KIAA1549L: variants seen among roughly 807,000 people sequenced by gnomAD.
KIAA1549L encodes the protein KIAA1549 like, also known as UPF0606 protein KIAA1549L.
A neutral mutation model predicts 160.7 loss-of-function variants in KIAA1549L; 88 were observed. The observed-to-expected ratio is 0.55, with a 90% CI of 0.46 to 0.65. The LOEUF (loss-of-function observed/expected upper bound fraction) is 0.65, where lower values mean the gene tolerates loss of function less well. Among genes scored for constraint, KIAA1549L ranks in the 30% least tolerant of loss-of-function variants. The probability of loss-of-function intolerance (pLI) is 0.00; values close to 1 mark genes in which losing one functional copy is unlikely to be tolerated. For synonymous variants in KIAA1549L, 950 were observed against 976.7 expected (o/e 0.97, Z 0.51); for missense variants, 2,258 against 2,437.5 (o/e 0.93, Z 1.55).
chr11:33,442,990 T>A (rs560935011), intron 1 of KIAA1549L, among the ~76,000 whole-genome samples: 1 of 152,244 alleles, frequency 6.6e-6, no homozygotes, highest in South Asian at 2.1e-4. Context: ...ATATTTTATA[T>A]TTCAGAAATT....
intron 1 of KIAA1549L, among the ~76,000 whole-genome samples, chr11:33,463,018 C>T (rs371367574): frequency 6.6e-5 from 10 of 152,104 alleles, no homozygotes; most frequent in Non-Finnish European, 1.2e-4. Context: ...TTTGTAGAGA[C>T]GGGGTTCACC....
intron 1 of KIAA1549L, among the ~76,000 whole-genome samples, chr11:33,529,403 T>G (rs899099492): frequency 6.6e-6 from 1 of 152,232 alleles, no homozygotes; most frequent in Non-Finnish European, 1.5e-5. Flanking sequence ...AATTAGATTT[T>G]GCTCTTCTGG....
At chr11:33,464,088 C>A (rs1018700028) in intron 1 of KIAA1549L, among the ~76,000 whole-genome samples, 1 of 152,214 alleles carries the variant, frequency 6.6e-6, no homozygotes, top group Non-Finnish European at 1.5e-5. Context: ...ATTATTATCT[C>A]CTTTTCACAA....
rs1382566664 is a variant in KIAA1549L at position 33,673,772 on chromosome 11, G to T, written c.*5618G>T. 1 of 152,146 alleles carries T rather than the reference G, an allele frequency of 6.6e-6. No individual in the cohort carries two copies. Among genetic ancestry groups the T allele is most frequent in the Non-Finnish European group, 1.5e-5 (1 of 68,018 alleles). 9.4% of individuals were successfully genotyped at this position (152,146 alleles called of 1,614,324 possible). On this transcript the variant is annotated 3_prime_UTR_variant, in exon 21 of 21. Coordinates refer to ENST00000658780, the MANE Select transcript of KIAA1549L (RefSeq NM_012194.3). ...CCATGTTTTGCCAAGGAAAAATAAA[G>T]AAATTCCTAAATTTGAAATTGCCCA...
rs1234051304 is a variant in KIAA1549L at position 33,591,287 on chromosome 11, A to G, written c.4617A>G (p.Ala1539=). ...YAKQHLGQQG[A]DEEVIPVTQE... Reference sequence around the variant, plus strand: ...AGCAACACCTGGGCCAGCAAGGGGCAGATGAGGAGGTCATCCCTGTGACTC... The same window carrying G: ...AGCAACACCTGGGCCAGCAAGGGGCGGATGAGGAGGTCATCCCTGTGACTC... Residue 1539 remains alanine, a synonymous_variant, in exon 12 of 21, where the codon GCA becomes GCG. Transcript: ENST00000658780. The G allele has an allele frequency of 1.9e-6, 3 of 1,613,582 alleles. No homozygotes were observed. Among genetic ancestry groups the G allele is most frequent in the African/African-American group, 1.3e-5 (1 of 74,940 alleles).
intron 1 of KIAA1549L, among the ~76,000 whole-genome samples, chr11:33,395,460 A>T (rs1850355016): frequency 6.6e-6 from 1 of 152,120 alleles, no homozygotes; most frequent in African/African-American, 2.4e-5. Context: ...ACTCTCTTTC[A>T]TCTATATATC....
At chr11:33,598,762 A>T in intron 12 of KIAA1549L, 58 bp from the exon 13 acceptor site, 6 of 1,600,054 alleles carry the variant, frequency 3.7e-6, no homozygotes, top group Non-Finnish European at 4.3e-6. Flanking sequence ...AATAACCTTG[A>T]GAGGCGGCTG....
intron 7 of KIAA1549L, 116 bp from the exon 8 acceptor site, chr11:33,561,560 A>G: frequency 1.3e-6 from 1 of 791,512 alleles, no homozygotes; most frequent in South Asian, 1.5e-5. Flanking sequence ...TGAGCCCAGG[A>G]GTTCAAGAAC....
At chr11:33,384,956 TA>T (rs1236715461) in intron 1 of KIAA1549L, among the ~76,000 whole-genome samples, 4 of 151,202 alleles carry the variant, frequency 2.6e-5, no homozygotes, top group Admixed American at 6.6e-5. Context: ...TTTTTTTTTT[TA>T]AAAGGAGAGA....
intron 3 of KIAA1549L, among the ~76,000 whole-genome samples, chr11:33,546,214 AATCAT>A (rs1854255942): frequency 6.6e-6 from 1 of 152,246 alleles, no homozygotes. Flanking sequence ...AATTAAATGA[AATCAT>A]ATCTTGAGAC....
At chr11:33,391,000 C>G (rs1288442717) in intron 1 of KIAA1549L, among the ~76,000 whole-genome samples, 1 of 152,172 alleles carries the variant, frequency 6.6e-6, no homozygotes, top group Non-Finnish European at 1.5e-5. Context: ...ACTTTGAAAC[C>G]TAGGCTTCAC....
At chr11:33,572,165 T>G (rs1437862326) in intron 9 of KIAA1549L, among the ~76,000 whole-genome samples, 2 of 152,046 alleles carry the variant, frequency 1.3e-5, no homozygotes, top group Non-Finnish European at 2.9e-5. Flanking sequence ...GCCTCCTGAG[T>G]AGCTGGGAGT....
At chr11:33,509,377 G>A (rs1256477651) in intron 1 of KIAA1549L, among the ~76,000 whole-genome samples, 2 of 152,154 alleles carry the variant, frequency 1.3e-5, no homozygotes, top group South Asian at 2.1e-4. Context: ...AAAAAACCCA[G>A]CTTAGTTTAT....
intron 1 of KIAA1549L, among the ~76,000 whole-genome samples, chr11:33,436,840 A>G (rs1851391174): frequency 6.6e-6 from 1 of 152,124 alleles, no homozygotes; most frequent in Non-Finnish European, 1.5e-5. Context: ...GGAGAAGTGA[A>G]GGAGTCCAGT....
At chr11:33,603,521 T>G (rs1433836232) in intron 13 of KIAA1549L, among the ~76,000 whole-genome samples, 1 of 152,132 alleles carries the variant, frequency 6.6e-6, no homozygotes, top group African/African-American at 2.4e-5. Context: ...AGAAGGCCAC[T>G]GTGGGCCGGG....
In KIAA1549L at chr11:33,376,231, G is replaced by A. The variant is rs1288960950; in HGVS notation, c.-421G>A. Among the ~76,000 whole-genome samples, 1 of 149,336 alleles carries A rather than the reference G, an allele frequency of 6.7e-6. No individual in the cohort carries two copies. Among genetic ancestry groups the A allele is most frequent in the African/African-American group, 2.4e-5 (1 of 41,174 alleles). On this transcript the variant is annotated 5_prime_UTR_variant, in exon 1 of 21. Transcript: ENST00000658780. The surrounding 1 kb of genome is among the most constrained non-coding windows in gnomAD (Gnocchi z 5.8). ...CGAGGAGCCAGGACAGCGGGGCGCC[G>A]AGGCTGCAGCGGCGGCGGGAGGGAG...
intron 1 of KIAA1549L, among the ~76,000 whole-genome samples, chr11:33,498,038 C>T (rs1490375303): frequency 6.6e-6 from 1 of 152,128 alleles, no homozygotes; most frequent in African/African-American, 2.4e-5. Context: ...CCTGTAATAC[C>T]AGCACTTTGG....
At chr11:33,589,940 C>T (rs193246121) in intron 11 of KIAA1549L, among the ~76,000 whole-genome samples, 176 of 152,238 alleles carry the variant, frequency 1.2e-3, no homozygotes, top group African/African-American at 2.8e-3. Flanking sequence ...GGCTTCTGAT[C>T]ATATCAAGTT....
chr11:33,535,271 TCTTA>T (rs1270990965), intron 1 of KIAA1549L, among the ~76,000 whole-genome samples: 1 of 152,194 alleles, frequency 6.6e-6, no homozygotes, highest in African/African-American at 2.4e-5. Flanking sequence ...CATTGTGGCC[TCTTA>T]CTTTATCAAG....
Sources: gnomAD v4.1 joint callset for allele counts (sites outside exome capture counted in the v4.1 genomes callset) on GRCh38, gnomAD v4.1.1 for gene constraint, Gnocchi (gnomAD v3.1) non-coding constraint, MANE v1.5 for transcripts, NCBI Gene and HGNC (gene_info 2026-07-23, HGNC 2026-07-21) for gene names.